SMCO2: variants seen among roughly 807,000 people sequenced by gnomAD.
SMCO2 encodes the protein single-pass membrane and coiled-coil domain-containing protein 2.
SMCO2 carries 25 observed loss-of-function variants against 29.5 expected under a neutral mutation model. The ratio of observed to expected loss-of-function variants is 0.85; its 90% CI spans 0.62 to 1.18. The LOEUF (loss-of-function observed/expected upper bound fraction) is 1.18, where lower values mean the gene tolerates loss of function less well. Ranked by LOEUF, SMCO2 falls within the 50% of genes most tolerant of loss-of-function variation. The probability of loss-of-function intolerance (pLI) is 0.00; values close to 1 mark genes in which losing one functional copy is unlikely to be tolerated. For synonymous variants in SMCO2, 117 were observed against 123.3 expected, an observed-to-expected ratio of 0.95 and a Z score of 0.34; for missense variants, 348 against 344.5, an observed-to-expected ratio of 1.01 and a Z score of -0.08.
At chr12:27,462,457 G>A (rs927732103), upstream of SMCO2, among the ~76,000 whole-genome samples, 2 of 152,080 alleles carry the variant, frequency 1.3e-5, no homozygotes, top group African/African-American at 4.8e-5. Context: ...TCTTTCTCCC[G>A]GAGGTCAAAA....
At chr12:27,475,498 G>T in intron 4 of SMCO2, 84 bp from the exon 5 acceptor site, 1 of 1,404,364 alleles carries the variant, frequency 7.1e-7, no homozygotes, top group Non-Finnish European at 9.4e-7. Flanking sequence ...AGATCAACTC[G>T]CTATTCAAAG....
At chr12:27,442,908 C>T in the SMCO2 span, among the ~76,000 whole-genome samples, 3 of 152,208 alleles carry the variant, frequency 2.0e-5, no homozygotes, top group Non-Finnish European at 2.9e-5. Flanking sequence ...AGGCATGAGC[C>T]ACAGTGCCTG....
chr12:27,466,767 T>A (rs1185146428), upstream of SMCO2: 1 of 152,368 alleles, frequency 6.6e-6, no homozygotes, highest in Non-Finnish European at 1.5e-5. Context: ...AGGCACTGCA[T>A]TCCAAGTGAA....
chr12:27,468,309 A>G (rs1360854575), intron 1 of SMCO2, among the ~76,000 whole-genome samples: 1 of 152,286 alleles, frequency 6.6e-6, no homozygotes, highest in Non-Finnish European at 1.5e-5. Context: ...AGGGCAAGAT[A>G]GTAAACATTT....
At chr12:27,432,088 C>T in the SMCO2 span, among the ~76,000 whole-genome samples, 38 of 152,074 alleles carry the variant, frequency 2.5e-4, no homozygotes, top group African/African-American at 5.6e-4. Flanking sequence ...CTGTCCTCTG[C>T]GCATTTTTAA....
At chr12:27,475,546 T>C in intron 4 of SMCO2, 36 bp from the exon 5 acceptor site, 1 of 1,498,960 alleles carries the variant, frequency 6.7e-7, no homozygotes, top group South Asian at 1.3e-5. Flanking sequence ...TTTCCCATTT[T>C]CTGCTTTGAA....
chr12:27,498,827 A>T (rs1943042684), intron 7 of SMCO2, among the ~76,000 whole-genome samples: 1 of 150,284 alleles, frequency 6.7e-6, no homozygotes, highest in Non-Finnish European at 1.5e-5. Flanking sequence ...ACATGAAAAG[A>T]TGTTCAGCAT....
chr12:27,424,908 G>A, the SMCO2 span: 24 of 152,322 alleles, frequency 1.6e-4, no homozygotes, highest in African/African-American at 5.5e-4. Flanking sequence ...CCTACAATAA[G>A]TCAGCCTGTC....
chr12:27,481,501 T>A lies in SMCO2; in HGVS notation c.362+6588T>A, dbSNP rs145906541. Among the ~76,000 whole-genome samples, 232 of 152,314 alleles carry A rather than the reference T, an allele frequency of 1.5e-3. 1 individual carries two copies. Among genetic ancestry groups the A allele is most frequent in the African/African-American group, 5.2e-3 (214 of 41,548 alleles). On this transcript the variant is annotated intron_variant, in intron 4 of 7. Coordinates refer to ENST00000298876, the Ensembl canonical transcript of SMCO2. ...CTTGCCATGTAGAAAACCATTAAGATTTTCCCCGGACCTGTTTGGTTTTCT... is the reference window on the plus strand; with the variant it reads ...CTTGCCATGTAGAAAACCATTAAGAATTTCCCCGGACCTGTTTGGTTTTCT...
At chr12:27,495,881 G>A (rs1942995172) in intron 7 of SMCO2, 26 bp downstream of exon 8, 1 of 1,396,700 alleles carries the variant, frequency 7.2e-7, no homozygotes, top group Non-Finnish European at 9.5e-7. Context: ...AGGCCATTCA[G>A]GGCTGGATGA....
chr12:27,494,341 C>T, exon 6 of SMCO2: 2 of 1,523,398 alleles, frequency 1.3e-6, no homozygotes, highest in East Asian at 5.1e-5. Context: ...AGAAGAAAGT[C>T]ATAGAAAGGC....
At chr12:27,452,855 G>A in the SMCO2 span, among the ~76,000 whole-genome samples, 4 of 152,116 alleles carry the variant, frequency 2.6e-5, no homozygotes, top group African/African-American at 9.7e-5. Flanking sequence ...TGGATTGTAT[G>A]GTGGTTCTCT....
At chr12:27,473,093 C>A in intron 3 of SMCO2, 2 of 448,034 alleles carry the variant, frequency 4.5e-6, no homozygotes, top group South Asian at 3.8e-5. Flanking sequence ...ACTAGCCTTC[C>A]CATGCGAACA....
At chr12:27,425,697 A>G in the SMCO2 span, among the ~76,000 whole-genome samples, 1 of 152,166 alleles carries the variant, frequency 6.6e-6, no homozygotes, top group Non-Finnish European at 1.5e-5. Flanking sequence ...ATTTCCTAGT[A>G]ATTCACATGC....
the SMCO2 span, chr12:27,424,102 TTTAC>T: frequency 5.9e-5 from 9 of 152,352 alleles, no homozygotes; most frequent in South Asian, 1.2e-3. Flanking sequence ...CTTGTATCTT[TTTAC>T]TTTTTTAATG....
At chr12:27,453,017 A>G in the SMCO2 span, among the ~76,000 whole-genome samples, 2 of 152,218 alleles carry the variant, frequency 1.3e-5, no homozygotes, top group Non-Finnish European at 2.9e-5. Flanking sequence ...TCAGAGCATT[A>G]GAGCCCATGG....
the SMCO2 span, among the ~76,000 whole-genome samples, chr12:27,447,261 G>T: frequency 6.6e-6 from 1 of 152,076 alleles, no homozygotes; most frequent in Non-Finnish European, 1.5e-5. Context: ...CACAGTCCAG[G>T]ATTACTGGGG....
At chr12:27,425,733 A>G in the SMCO2 span, among the ~76,000 whole-genome samples, 1 of 152,096 alleles carries the variant, frequency 6.6e-6, no homozygotes, top group African/African-American at 2.4e-5. Context: ...GGGCCTCTGG[A>G]TCAACTTGGT....
In SMCO2 at chr12:27,497,819, A is replaced by G. The variant is rs538332948; in HGVS notation, c.683+1964A>G. The G allele has an allele frequency of 1.5e-4, 33 of 224,978 alleles. 1 individual carries two copies. The South Asian group carries it at 2.4e-3, about 16-fold the overall frequency. 13.9% of individuals were successfully genotyped at this position (224,978 alleles called of 1,614,324 possible). On this transcript the variant is annotated intron_variant, in intron 7 of 7. Transcript: ENST00000298876. ...TTAAGCAAAAACTATTTGAGGAGAA[A>G]GAAGATATGGTTATCTCTGGGTGAA...
Sources: gnomAD v4.1 joint callset for allele counts (sites outside exome capture counted in the v4.1 genomes callset) on GRCh38, gnomAD v4.1.1 for gene constraint, MANE v1.5 for transcripts, NCBI Gene and HGNC (gene_info 2026-07-23, HGNC 2026-07-21) for gene names.